The following ZNF277 variants were observed in gnomAD, a reference collection of about 807,000 sequenced individuals.
ZNF277 encodes nuclear receptor-interacting factor 4.
ZNF277 carries 55 observed loss-of-function variants against 60.7 expected under a neutral mutation model. The observed-to-expected ratio is 0.91, with a 90% CI of 0.73 to 1.13. The LOEUF (loss-of-function observed/expected upper bound fraction) is 1.13, where lower values mean the gene tolerates loss of function less well. ZNF277 is among the 50% of genes most tolerant of loss of function. ZNF277 has a pLI of 0.00. For synonymous variants in ZNF277, 178 were observed against 179.3 expected, an observed-to-expected ratio of 0.99 and a Z score of 0.06; for missense variants, 510 against 523.0, an observed-to-expected ratio of 0.98 and a Z score of 0.24.
At chr7:112,334,112 A>G (rs1233187243) in intron 7 of ZNF277, among the ~76,000 whole-genome samples, 1 of 152,220 alleles carries the variant, frequency 6.6e-6, no homozygotes, top group Non-Finnish European at 1.5e-5. Context: ...AGTTTTCTCT[A>G]GTGAAGTTAT....
At chr7:112,250,019 G>C (rs1791168237) in intron 1 of ZNF277, among the ~76,000 whole-genome samples, 1 of 152,192 alleles carries the variant, frequency 6.6e-6, no homozygotes, top group Non-Finnish European at 1.5e-5. Flanking sequence ...CTGACCGCCG[G>C]TGAGCCGGGC....
intron 4 of ZNF277, among the ~76,000 whole-genome samples, chr7:112,315,862 A>G (rs1156696273): frequency 2.0e-5 from 3 of 152,076 alleles, no homozygotes; most frequent in Non-Finnish European, 1.5e-5. Context: ...ATTCATCTCA[A>G]TGAGGCTTCC....
intron 1 of ZNF277, among the ~76,000 whole-genome samples, chr7:112,263,686 G>T (rs1472845541): frequency 6.6e-6 from 1 of 152,152 alleles, no homozygotes; most frequent in African/African-American, 2.4e-5. Flanking sequence ...ACATGGCTCT[G>T]CAATGTCAGC....
At chr7:112,218,803 G>A (rs1056111267) in intron 1 of ZNF277, among the ~76,000 whole-genome samples, 3 of 152,094 alleles carry the variant, frequency 2.0e-5, no homozygotes, top group Admixed American at 6.5e-5. Context: ...TCCTTCTTTC[G>A]TAAGGCTGAA....
In ZNF277 at chr7:112,296,331, G is replaced by A. The variant is rs1303815187; in HGVS notation, c.465+20G>A. 2.2e-6 allele frequency: 3 copies of A among 1,340,656 alleles called. No homozygotes were observed. Among genetic ancestry groups the A allele is most frequent in the Non-Finnish European group, 3.1e-6 (3 of 962,016 alleles). 83.0% of individuals were successfully genotyped at this position (1,340,656 alleles called of 1,614,324 possible). A position where few individuals can be genotyped will look rare whatever the true frequency, so the allele number is the denominator to read the frequency against. On this transcript the variant is annotated intron_variant, in intron 4 of 11. Transcript: ENST00000361822. ...AGACTGGTAAGAATTGTTTTTAAAG[G>A]GTGAATAGTGTCTTGAAAATACATA...
intron 1 of ZNF277, among the ~76,000 whole-genome samples, chr7:112,250,954 G>A (rs1277966308): frequency 6.6e-6 from 1 of 152,088 alleles, no homozygotes; most frequent in Non-Finnish European, 1.5e-5. Flanking sequence ...AAAACCTAGT[G>A]CCTCCTGTTT....
In ZNF277 at chr7:112,342,808, C is replaced by G. The variant is rs757208872; in HGVS notation, c.*79C>G. The G allele has an allele frequency of 5.1e-6, 6 of 1,173,882 alleles. No individual in the cohort carries two copies. The highest frequency in any genetic ancestry group is 6.7e-6 in the Non-Finnish European group (6 of 895,280). The allele number at this position is 1,173,882 out of a possible 1,614,324, so 72.7% of individuals were successfully genotyped here. ...CTCCTATGAGACAGATATGAAAGAA[C>G]AATTTAAATTTGAACATCAACAAAA... On this transcript the variant is annotated 3_prime_UTR_variant, in exon 12 of 12. Coordinates refer to ENST00000361822, the MANE Select transcript of ZNF277 (RefSeq NM_021994.3).
At chr7:112,213,483 AATG>A (rs1255486805) in intron 1 of ZNF277, among the ~76,000 whole-genome samples, 1 of 152,194 alleles carries the variant, frequency 6.6e-6, no homozygotes, top group Non-Finnish European at 1.5e-5. Context: ...GGGATATAAT[AATG>A]ATGATGTGTA....
intron 1 of ZNF277, among the ~76,000 whole-genome samples, chr7:112,268,083 C>T (rs1179355688): frequency 6.6e-6 from 1 of 152,080 alleles, no homozygotes; most frequent in Non-Finnish European, 1.5e-5. Context: ...TCCTATAAAT[C>T]AAATCCATCA....
chr7:112,309,309 C>G (rs897138811), intron 4 of ZNF277, among the ~76,000 whole-genome samples: 1 of 151,964 alleles, frequency 6.6e-6, no homozygotes, highest in Non-Finnish European at 1.5e-5. Flanking sequence ...AAGACAGATT[C>G]AAGATTATAA....
intron 1 of ZNF277, among the ~76,000 whole-genome samples, chr7:112,284,492 T>G (rs1450245271): frequency 1.3e-5 from 2 of 152,162 alleles, no homozygotes; most frequent in African/African-American, 2.4e-5. Flanking sequence ...ACATTTGAGT[T>G]TAAATGCCTA....
intron 4 of ZNF277, among the ~76,000 whole-genome samples, chr7:112,297,181 T>C (rs544650445): frequency 1.1e-4 from 16 of 151,814 alleles, no homozygotes; most frequent in African/African-American, 3.9e-4. Context: ...CCCACCTCAG[T>C]CTCCCAAAGT....
intron 1 of ZNF277, among the ~76,000 whole-genome samples, chr7:112,225,383 G>A (rs186701065): frequency 9.1e-4 from 138 of 152,314 alleles, no homozygotes; most frequent in Middle Eastern, 3.4e-3. Context: ...TAATTCTCAA[G>A]TATAAAGTAA....
At chr7:112,264,276 A>C (rs1791498276) in intron 1 of ZNF277, among the ~76,000 whole-genome samples, 1 of 152,142 alleles carries the variant, frequency 6.6e-6, no homozygotes, top group African/African-American at 2.4e-5. Context: ...CAACTCCTAA[A>C]TGCTAATGCC....
chr7:112,270,403 G>A (rs747722093), intron 1 of ZNF277, among the ~76,000 whole-genome samples: 4 of 152,060 alleles, frequency 2.6e-5, no homozygotes, highest in Admixed American at 6.6e-5. Flanking sequence ...CTATAAGGAA[G>A]GACTTAGAAT....
intron 4 of ZNF277, among the ~76,000 whole-genome samples, chr7:112,307,501 G>T (rs537304685): frequency 6.7e-6 from 1 of 149,934 alleles, no homozygotes; most frequent in African/African-American, 2.5e-5. Context: ...TGCAGCCTCC[G>T]CCTCCTGGTT....
At chr7:112,328,179 C>G (rs6947063) in intron 6 of ZNF277, 8,153 of 159,660 alleles carry the variant, frequency 0.051, 285 homozygotes, top group Admixed American at 0.12. Context: ...CCAGAAACCA[C>G]TATTCTTAAT....
chr7:112,283,676 T>C (rs1041355045), intron 1 of ZNF277, among the ~76,000 whole-genome samples: 2 of 152,150 alleles, frequency 1.3e-5, no homozygotes, highest in Non-Finnish European at 2.9e-5. Context: ...GTCCATTCTC[T>C]TAGGAACAAT....
chr7:112,239,198 C>T (rs1316214560), intron 1 of ZNF277, among the ~76,000 whole-genome samples: 1 of 151,936 alleles, frequency 6.6e-6, no homozygotes, highest in Non-Finnish European at 1.5e-5. Context: ...TCTCTTGCAA[C>T]TTGGGTACCA....
Sources: allele counts gnomAD v4.1 joint callset (sites outside exome capture counted in the v4.1 genomes callset), GRCh38; gene constraint gnomAD v4.1.1; transcripts MANE v1.5; gene names NCBI Gene and HGNC (gene_info 2026-07-23, HGNC 2026-07-21).